Variants in ADNP observed in about 807,000 individuals in gnomAD.
The protein encoded by ADNP is activity-dependent neuroprotector homeobox protein.
Under a neutral mutation model 84.9 loss-of-function variants are expected in ADNP, and 4 were observed. The ratio of observed to expected loss-of-function variants is 0.05; its 90% CI spans 0.02 to 0.11. The LOEUF is 0.11. Ranked by LOEUF, ADNP falls within the 10% of genes least tolerant of loss-of-function variation. ADNP has a pLI of 1.00. For missense variants in ADNP, 1,132 were observed against 1,326.0 expected, an observed-to-expected ratio of 0.85 and a Z score of 2.27; for synonymous variants, 554 against 468.1, an observed-to-expected ratio of 1.18 and a Z score of -2.37.
intron 2 of ADNP, chr20:50,914,359 G>A: frequency 3.1e-6 from 2 of 637,548 alleles, no homozygotes; most frequent in South Asian, 3.7e-5. Context: ...GTGGCCAAAG[G>A]TGCCCTGGGT....
At chr20:50,910,336 G>A (rs569235643) in intron 2 of ADNP, among the ~76,000 whole-genome samples, 25 of 152,306 alleles carry the variant, frequency 1.6e-4, no homozygotes, top group African/African-American at 6.0e-4. Context: ...ATTTACGACT[G>A]AAAGTAACTA....
chr20:50,905,962 C>T (rs1241641597), intron 2 of ADNP, among the ~76,000 whole-genome samples: 2 of 152,150 alleles, frequency 1.3e-5, no homozygotes, highest in African/African-American at 4.8e-5. Context: ...CCTGTAATCC[C>T]AACACTTTAG....
At chr20:50,900,934 T>TCAAATCAAGAAGTTAA (rs1284972317) in intron 5 of ADNP, among the ~76,000 whole-genome samples, 1 of 152,184 alleles carries the variant, frequency 6.6e-6, no homozygotes, top group African/African-American at 2.4e-5. Flanking sequence ...CTGCTTTGAT[T>TCAAATCAAGAAGTTAA]CAAATCAAGA....
intron 4 of ADNP, among the ~76,000 whole-genome samples, chr20:50,903,391 T>A (rs937386779): frequency 6.6e-6 from 1 of 152,124 alleles, no homozygotes; most frequent in Non-Finnish European, 1.5e-5. Context: ...GGGCAACAAA[T>A]GCTCAAATCC....
At position 50,892,377 on chromosome 20, in the gene ADNP, G is replaced by C. The variant is rs773423370; in HGVS notation, c.2337C>G (p.Pro779=). ...TCTCAATTTCTCTCCTGGTGGGATA[G>C]GGCTGTTTGTTGAAATACTTTGTTA... ...SFLTKYFNKQ[P]YPTRREIEKL... Residue 779 remains proline, a synonymous_variant, in exon 6 of 6, where the codon CCC becomes CCG. Coordinates refer to ENST00000621696, the MANE Select transcript of ADNP (RefSeq NM_001282531.3). 1.2e-6 allele frequency: 2 copies of C among 1,614,178 alleles called. No homozygotes were observed. Among genetic ancestry groups the C allele is most frequent in the East Asian group, 2.2e-5 (1 of 44,884 alleles).
intron 2 of ADNP, among the ~76,000 whole-genome samples, chr20:50,909,996 C>G (rs1284401315): frequency 6.6e-6 from 1 of 152,224 alleles, no homozygotes; most frequent in Non-Finnish European, 1.5e-5. Context: ...TATAAACACA[C>G]ACATTATCGT....
At chr20:50,906,729 G>A (rs1982508687) in intron 2 of ADNP, among the ~76,000 whole-genome samples, 1 of 152,040 alleles carries the variant, frequency 6.6e-6, no homozygotes, top group Non-Finnish European at 1.5e-5. Context: ...ATTTTTTTCT[G>A]AAAAAGTGAG....
At chr20:50,928,289 G>C (rs1158142146) in intron 2 of ADNP, among the ~76,000 whole-genome samples, 1 of 152,162 alleles carries the variant, frequency 6.6e-6, no homozygotes, top group African/African-American at 2.4e-5. Flanking sequence ...TTGGTAGCAA[G>C]AACAAGTTCA....
In ADNP at chr20:50,917,351, T is replaced by C. The variant is rs537888674; in HGVS notation, c.-90+11300A>G. Among the ~76,000 whole-genome samples, 7 of 152,304 alleles carry C rather than the reference T, an allele frequency of 4.6e-5. 1 individual carries two copies. Among genetic ancestry groups the C allele is most frequent in the South Asian group, 2.1e-4 (1 of 4,826 alleles). Reference sequence around the variant, plus strand: ...GATTCCATCACATCCAGAGAAGAATTCAGCTCTAAGGACACTTGTCTTAAA... The same window carrying C: ...GATTCCATCACATCCAGAGAAGAATCCAGCTCTAAGGACACTTGTCTTAAA... On this transcript the variant is annotated intron_variant, in intron 2 of 5. Transcript: ENST00000621696.
At chr20:50,918,893 G>A (rs1447579246) in intron 2 of ADNP, among the ~76,000 whole-genome samples, 1 of 152,064 alleles carries the variant, frequency 6.6e-6, no homozygotes, top group Non-Finnish European at 1.5e-5. Flanking sequence ...TTCATTTATA[G>A]CAAACCAACA....
intron 2 of ADNP, among the ~76,000 whole-genome samples, chr20:50,920,061 G>A (rs911002447): frequency 1.3e-5 from 2 of 148,716 alleles, no homozygotes; most frequent in Non-Finnish European, 3.0e-5. Context: ...GGCAGATCAC[G>A]AAGTCAGGAG....
At chr20:50,898,194 A>G (rs980398825) in intron 5 of ADNP, among the ~76,000 whole-genome samples, 5 of 152,232 alleles carry the variant, frequency 3.3e-5, no homozygotes, top group African/African-American at 1.2e-4. Flanking sequence ...CAGCTTATCT[A>G]GAGTTTCCCA....
intron 2 of ADNP, among the ~76,000 whole-genome samples, chr20:50,907,568 G>C (rs1982610927): frequency 6.6e-6 from 1 of 151,880 alleles, no homozygotes. Flanking sequence ...TGCCTGGCCA[G>C]GAATGTATGT....
In ADNP at chr20:50,914,279, G is replaced by A. The variant is rs143925721; in HGVS notation, c.-89-9430C>T. 1.5e-4 allele frequency: 107 copies of A among 699,960 alleles called. No homozygotes were observed. The East Asian group carries it at 2.5e-3, about 16-fold the overall frequency. 43.4% of individuals were successfully genotyped at this position (699,960 alleles called of 1,614,324 possible). A position where few individuals can be genotyped will look rare whatever the true frequency, so the allele number is the denominator to read the frequency against. On this transcript the variant is annotated intron_variant, in intron 2 of 5. Coordinates refer to ENST00000621696, the MANE Select transcript of ADNP (RefSeq NM_001282531.3). ...CACTTAGTCTGTGATAAGAGTGGAA[G>A]AAGCAAAACTGCTGGTGTCCCAAGG...
At chr20:50,914,336 A>C (rs1983329784) in intron 2 of ADNP, 6 of 672,224 alleles carry the variant, frequency 8.9e-6, no homozygotes, top group South Asian at 1.7e-5. Context: ...AAAGAAGAAA[A>C]GAAACCCCAC....
intron 2 of ADNP, among the ~76,000 whole-genome samples, chr20:50,920,780 C>T (rs916766094): frequency 6.6e-6 from 1 of 152,098 alleles, no homozygotes; most frequent in South Asian, 2.1e-4. Context: ...TAGCCTAAGT[C>T]AAAATTTGTG....
intron 2 of ADNP, among the ~76,000 whole-genome samples, chr20:50,907,213 T>C (rs1473668455): frequency 1.3e-5 from 2 of 151,646 alleles, no homozygotes; most frequent in Non-Finnish European, 2.9e-5. Context: ...CCGCCCATCT[T>C]GTGATCCGCC....
At chr20:50,901,320 T>TA (rs1981954116) in intron 5 of ADNP, among the ~76,000 whole-genome samples, 2 of 49,928 alleles carry the variant, frequency 4.0e-5, no homozygotes, top group Admixed American at 5.1e-4. Flanking sequence ...CCTGGGGTAT[T>TA]TAAAAAAAAA....
intron 2 of ADNP, among the ~76,000 whole-genome samples, chr20:50,917,903 C>G (rs1983637268): frequency 6.6e-6 from 1 of 152,104 alleles, no homozygotes; most frequent in South Asian, 2.1e-4. Flanking sequence ...GACACATGTT[C>G]CAACATGAAC....
Sources: gnomAD v4.1 joint callset for allele counts (sites outside exome capture counted in the v4.1 genomes callset) on GRCh38, gnomAD v4.1.1 for gene constraint, MANE v1.5 for transcripts, NCBI Gene and HGNC (gene_info 2026-07-23, HGNC 2026-07-21) for gene names.